The following MGLL variants were observed in gnomAD, a reference collection of about 807,000 sequenced individuals.
MGLL encodes monoglyceride lipase, also known as lysophospholipase homolog.
A neutral mutation model predicts 29.1 loss-of-function variants in MGLL; 7 were observed. That is an observed-to-expected ratio of 0.24 (90% CI 0.14 to 0.45). The LOEUF is 0.45. Among genes scored for constraint, MGLL ranks in the 20% least tolerant of loss-of-function variants. The pLI is 0.99. For missense variants in MGLL, 356 were observed against 413.6 expected (o/e 0.86, Z 1.21); for synonymous variants, 148 against 168.3 (o/e 0.88, Z 0.93).
intron 3 of MGLL, among the ~76,000 whole-genome samples, chr3:127,732,935 G>A (rs956930190): frequency 2.6e-5 from 4 of 152,134 alleles, no homozygotes; most frequent in African/African-American, 7.2e-5. Flanking sequence ...TGGGAGGAGC[G>A]GTGGGTGGAA....
At chr3:127,728,749 G>A (rs944787388) in intron 3 of MGLL, among the ~76,000 whole-genome samples, 1 of 152,224 alleles carries the variant, frequency 6.6e-6, no homozygotes, top group Non-Finnish European at 1.5e-5. Flanking sequence ...CTAGATGCAG[G>A]ATTGCTTGGC....
chr3:127,790,776 C>G (rs142204931), intron 2 of MGLL, among the ~76,000 whole-genome samples: 2 of 152,076 alleles, frequency 1.3e-5, no homozygotes, highest in African/African-American at 4.8e-5. Flanking sequence ...CTCCCCCACA[C>G]CAGAATGCCT....
At chr3:127,793,890 C>T (rs1238975560) in intron 2 of MGLL, among the ~76,000 whole-genome samples, 6 of 152,178 alleles carry the variant, frequency 3.9e-5, no homozygotes, top group Non-Finnish European at 8.8e-5. Context: ...TTGGAAGTTA[C>T]TGGAAATTTT....
At chr3:127,699,853 G>A (rs73859253) in intron 6 of MGLL, among the ~76,000 whole-genome samples, 1,540 of 152,282 alleles carry the variant, frequency 0.01, 30 homozygotes, top group African/African-American at 0.035. Flanking sequence ...GCCCTTCACA[G>A]CCAGCCAGAG....
At chr3:127,760,992 AG>A (rs915515375) in intron 3 of MGLL, among the ~76,000 whole-genome samples, 1 of 152,250 alleles carries the variant, frequency 6.6e-6, no homozygotes, top group African/African-American at 2.4e-5. Context: ...TTCTTTAAAC[AG>A]GGCTCATCCT....
intron 3 of MGLL, among the ~76,000 whole-genome samples, chr3:127,739,709 C>G (rs1410287846): frequency 6.6e-6 from 1 of 152,308 alleles, no homozygotes; most frequent in South Asian, 2.1e-4. Flanking sequence ...TGGGATGGAG[C>G]AGCAGGCCTG....
chr3:127,701,033 G>A (rs1361680227), intron 6 of MGLL, among the ~76,000 whole-genome samples: 1 of 151,870 alleles, frequency 6.6e-6, no homozygotes, highest in Non-Finnish European at 1.5e-5. Flanking sequence ...TGGGCAACAT[G>A]GTAAAACCCC....
At chr3:127,765,807 T>A (rs564727511) in intron 3 of MGLL, among the ~76,000 whole-genome samples, 1 of 152,120 alleles carries the variant, frequency 6.6e-6, no homozygotes, top group South Asian at 2.1e-4. Flanking sequence ...TGAACAACTT[T>A]CTATAGAAAA....
chr3:127,820,358 C>G (rs1013567842), intron 2 of MGLL, among the ~76,000 whole-genome samples: 2 of 152,168 alleles, frequency 1.3e-5, no homozygotes, highest in Non-Finnish European at 2.9e-5. Context: ...CCAACTTGAC[C>G]GTTTCTAACC....
At chr3:127,813,600 C>T (rs909945542) in intron 2 of MGLL, among the ~76,000 whole-genome samples, 3 of 152,172 alleles carry the variant, frequency 2.0e-5, no homozygotes, top group Non-Finnish European at 4.4e-5. Context: ...GCAGAAGCAA[C>T]GTGTGATCAG....
intron 3 of MGLL, among the ~76,000 whole-genome samples, chr3:127,749,691 A>T (rs1321452042): frequency 6.6e-6 from 1 of 152,134 alleles, no homozygotes; most frequent in Non-Finnish European, 1.5e-5. Flanking sequence ...ATCAGTACAG[A>T]TCTTTGTCAT....
intron 3 of MGLL, among the ~76,000 whole-genome samples, chr3:127,735,010 A>C (rs1326423223): frequency 6.6e-6 from 1 of 152,264 alleles, no homozygotes; most frequent in Non-Finnish European, 1.5e-5. Context: ...CTCTAGCCTC[A>C]AGAACCACAC....
At chr3:127,705,888 A>G (rs2075593463) in intron 6 of MGLL, among the ~76,000 whole-genome samples, 1 of 152,182 alleles carries the variant, frequency 6.6e-6, no homozygotes, top group African/African-American at 2.4e-5. Context: ...AATCAAAGCC[A>G]CACTGAGATG....
At chr3:127,821,581 A>G (rs974423305) in intron 2 of MGLL, 113 bp downstream of exon 2, 19 of 1,146,034 alleles carry the variant, frequency 1.7e-5, no homozygotes, top group East Asian at 4.8e-5. Context: ...ACGGCAGGGG[A>G]AGTAGGTCAT....
intron 4 of MGLL, among the ~76,000 whole-genome samples, chr3:127,722,181 A>G (rs890109068): frequency 7.9e-5 from 12 of 152,224 alleles, no homozygotes; most frequent in African/African-American, 2.9e-4. Flanking sequence ...AGTGGGCCAA[A>G]GAACGTTGAG....
At chr3:127,775,508 C>T (rs556045341) in intron 3 of MGLL, among the ~76,000 whole-genome samples, 4 of 152,214 alleles carry the variant, frequency 2.6e-5, no homozygotes, top group Admixed American at 6.5e-5. Context: ...AGGACCCACC[C>T]GCCAAGGAGA....
intron 2 of MGLL, among the ~76,000 whole-genome samples, chr3:127,798,166 T>C (rs987018600): frequency 6.6e-6 from 1 of 152,214 alleles, no homozygotes; most frequent in Non-Finnish European, 1.5e-5. Context: ...GCAAGCACAG[T>C]GCATACCTTT....
chr3:127,729,991 C>T (rs1046616809), intron 3 of MGLL, among the ~76,000 whole-genome samples: 7 of 152,226 alleles, frequency 4.6e-5, no homozygotes, highest in African/African-American at 1.4e-4. Flanking sequence ...TCCACAGCTC[C>T]TCAGATTGCT....
chr3:127,822,347 A>G lies in MGLL; in HGVS notation c.-29T>C. 6.2e-7 allele frequency: 1 copy of G among 1,613,424 alleles called. No individual in the cohort carries two copies. Among genetic ancestry groups the G allele is most frequent in the Admixed American group, 1.7e-5 (1 of 60,020 alleles). Reference sequence around the variant, plus strand: ...GTGCTGGCGTTTGCATTCCACAACCACGACAGCCTGGAGAATCAGAACCAG... The same window carrying G: ...GTGCTGGCGTTTGCATTCCACAACCGCGACAGCCTGGAGAATCAGAACCAG... On this transcript the variant is annotated 5_prime_UTR_variant, in exon 1 of 8. Transcript: ENST00000265052.
Sources: gnomAD v4.1 joint callset for allele counts (sites outside exome capture counted in the v4.1 genomes callset) on GRCh38, gnomAD v4.1.1 for gene constraint, MANE v1.5 for transcripts, NCBI Gene and HGNC (gene_info 2026-07-23, HGNC 2026-07-21) for gene names.